Variants in PDZD2 observed in about 807,000 individuals in gnomAD.
PDZD2 encodes the protein PDZ domain-containing protein 2.
Under a neutral mutation model 220.7 loss-of-function variants are expected in PDZD2, and 90 were observed. The observed-to-expected ratio is 0.41, with a 90% CI of 0.34 to 0.49. PDZD2 has a LOEUF of 0.49. Ranked by LOEUF, PDZD2 falls within the 20% of genes least tolerant of loss-of-function variation. The pLI, the probability that PDZD2 is intolerant of heterozygous loss-of-function variation, is 0.28. For synonymous variants in PDZD2, 1,375 were observed against 1,450.5 expected (o/e 0.95, Z 1.18); for missense variants, 3,174 against 3,608.5 (o/e 0.88, Z 3.08).
chr5:31,896,642 A>T (rs957034470), intron 2 of PDZD2, among the ~76,000 whole-genome samples: 2 of 152,202 alleles, frequency 1.3e-5, no homozygotes, highest in African/African-American at 2.4e-5. Context: ...ACGAATTTTT[A>T]AAATTGTGTG....
chr5:31,956,385 A>G (rs547249898), intron 2 of PDZD2, among the ~76,000 whole-genome samples: 22 of 148,700 alleles, frequency 1.5e-4, no homozygotes, highest in African/African-American at 5.2e-4. Context: ...CTACCTAAAC[A>G]TTGAGAGGAA....
At chr5:31,986,428 C>T (rs914707175) in intron 3 of PDZD2, among the ~76,000 whole-genome samples, 50 of 152,176 alleles carry the variant, frequency 3.3e-4, no homozygotes, top group African/African-American at 1.1e-3. Context: ...ATAAAATTAT[C>T]TTTATTAGGT....
intron 5 of PDZD2, among the ~76,000 whole-genome samples, chr5:32,006,643 A>C (rs7701056): frequency 0.17 from 25,993 of 149,496 alleles, 6,984 homozygotes; most frequent in African/African-American, 0.58. Context: ...TCCCAAGGTA[A>C]TGGGATTACA....
intron 19 of PDZD2, among the ~76,000 whole-genome samples, chr5:32,086,363 C>T (rs1742445789): frequency 6.6e-6 from 1 of 152,156 alleles, no homozygotes; most frequent in Admixed American, 6.5e-5. Context: ...CTGACGCTTG[C>T]GGCTTTGCCA....
intron 7 of PDZD2, among the ~76,000 whole-genome samples, chr5:32,042,258 T>C (rs917391905): frequency 8.1e-4 from 89 of 109,216 alleles, no homozygotes; most frequent in African/African-American, 3.2e-3. Context: ...TGAGACTCTG[T>C]CTAAAAAAAA....
intron 2 of PDZD2, among the ~76,000 whole-genome samples, chr5:31,860,333 C>T (rs62361584): frequency 0.042 from 6,378 of 152,228 alleles, 161 homozygotes; most frequent in Non-Finnish European, 0.054. Flanking sequence ...TCCAGAGGCG[C>T]TCTAGGGCAT....
chr5:31,783,019 T>G (rs1311190123), intron 1 of PDZD2, among the ~76,000 whole-genome samples: 1 of 152,156 alleles, frequency 6.6e-6, no homozygotes, highest in Admixed American at 6.5e-5. Flanking sequence ...TGGCCACCAC[T>G]TTAAATTTTA....
At chr5:32,056,575 G>C (rs1739102315) in intron 10 of PDZD2, among the ~76,000 whole-genome samples, 1 of 152,182 alleles carries the variant, frequency 6.6e-6, no homozygotes, top group Non-Finnish European at 1.5e-5. Context: ...GGATGTCCAA[G>C]TTCTTTTATA....
intron 7 of PDZD2, among the ~76,000 whole-genome samples, chr5:32,040,535 G>T (rs1283343258): frequency 1.3e-5 from 2 of 149,816 alleles, no homozygotes; most frequent in South Asian, 4.2e-4. Context: ...GAGATGAGGA[G>T]CGCCTCTGCC....
Position 32,109,557 on chromosome 5 carries a change from A to C in PDZD2, c.*1422A>C, listed in dbSNP as rs868189791. On this transcript the variant is annotated 3_prime_UTR_variant, in exon 25 of 25. Transcript: ENST00000438447. ...ATTCCAAACTCTCATCGGGTCATAA[A>C]GAGGAGGAGAAACAGGGTGAGTCAA... The C allele has an allele frequency of 1.3e-4, 20 of 152,184 alleles. No individual in the cohort carries two copies. Among genetic ancestry groups the C allele is most frequent in the African/African-American group, 3.4e-4 (14 of 41,418 alleles). The allele number at this position is 152,184 out of a possible 1,614,324, so 9.4% of individuals were successfully genotyped here. A position where few individuals can be genotyped will look rare whatever the true frequency, so the allele number is the denominator to read the frequency against.
At position 32,059,305 on chromosome 5, in the gene PDZD2, A is replaced by T. The variant is rs1486819615; in HGVS notation, c.2267A>T (p.Tyr756Phe). ...CTGGAAAACAGTCCTCCTGGCATCTACATTCACAGCCTTGCTCCAGGATCA... is the reference window on the plus strand; with the variant it reads ...CTGGAAAACAGTCCTCCTGGCATCTTCATTCACAGCCTTGCTCCAGGATCA... ...LALENSPPGI[Y>F]IHSLAPGSVA... The change falls in exon 13 of 25, where the codon TAC becomes TTC. Residue 756 changes from tyrosine (Y) to phenylalanine (F), a missense_variant. Tyr to Phe is a conservative substitution (Grantham distance 22, BLOSUM62 3). Coordinates refer to ENST00000438447, the MANE Select transcript of PDZD2 (RefSeq NM_178140.4). 5 of 1,613,598 alleles carry T rather than the reference A, an allele frequency of 3.1e-6. No individual in the cohort carries two copies. The highest frequency in any genetic ancestry group is 8.5e-7 in the Non-Finnish European group (1 of 1,179,506).
chr5:32,006,450 G>A (rs934277451), intron 5 of PDZD2, among the ~76,000 whole-genome samples: 1 of 150,980 alleles, frequency 6.6e-6, no homozygotes, highest in African/African-American at 2.4e-5. Context: ...GAAACCTGAG[G>A]CTCAAGTGAT....
At chr5:31,662,857 C>T (rs548694376) in intron 1 of PDZD2, among the ~76,000 whole-genome samples, 32 of 152,274 alleles carry the variant, frequency 2.1e-4, no homozygotes, top group African/African-American at 7.7e-4. Context: ...GTCTTGATCT[C>T]CTGACCTTGT....
At chr5:31,977,875 G>A (rs1488680724) in intron 2 of PDZD2, among the ~76,000 whole-genome samples, 1 of 152,210 alleles carries the variant, frequency 6.6e-6, no homozygotes, top group Admixed American at 6.5e-5. Context: ...TTGGGAGGCT[G>A]AGGCAGGAGA....
chr5:32,041,031 G>A (rs1756080622), intron 7 of PDZD2, among the ~76,000 whole-genome samples: 1 of 148,980 alleles, frequency 6.7e-6, no homozygotes, highest in Admixed American at 6.6e-5. Flanking sequence ...GAGGTGAGGG[G>A]CGCCTCTGCC....
chr5:31,997,222 G>A (rs1310676974), intron 4 of PDZD2, among the ~76,000 whole-genome samples: 6 of 152,140 alleles, frequency 3.9e-5, no homozygotes, highest in Admixed American at 3.9e-4. Flanking sequence ...TCTAAGAGGG[G>A]TGTGGCAAAC....
chr5:31,680,223 CA>C (rs1401891487), intron 1 of PDZD2, among the ~76,000 whole-genome samples: 2 of 152,122 alleles, frequency 1.3e-5, no homozygotes, highest in African/African-American at 4.8e-5. Context: ...CTGATTGTCA[CA>C]AGGATCTGCC....
chr5:32,068,243 C>T (rs1048090849), intron 14 of PDZD2, among the ~76,000 whole-genome samples: 1 of 152,096 alleles, frequency 6.6e-6, no homozygotes. Flanking sequence ...GATATCAGTG[C>T]CATGAAAGAC....
chr5:31,797,707 A>C (rs567475798), intron 1 of PDZD2, among the ~76,000 whole-genome samples: 1 of 152,322 alleles, frequency 6.6e-6, no homozygotes, highest in South Asian at 2.1e-4. Flanking sequence ...GGAACCAATT[A>C]ATAGCTGGCA....
Sources: gnomAD v4.1 joint callset for allele counts (sites outside exome capture counted in the v4.1 genomes callset) on GRCh38, gnomAD v4.1.1 for gene constraint, MANE v1.5 for transcripts, NCBI Gene and HGNC (gene_info 2026-07-23, HGNC 2026-07-21) for gene names.